Variants in KIAA1217 observed in about 807,000 individuals in gnomAD.
KIAA1217 encodes KIAA1217.
In KIAA1217, 88 loss-of-function variants were observed where a neutral mutation model predicts 163.9. The ratio of observed to expected loss-of-function variants is 0.54; its 90% CI spans 0.45 to 0.64. The LOEUF (loss-of-function observed/expected upper bound fraction) is 0.64, where lower values mean the gene tolerates loss of function less well. Among genes scored for constraint, KIAA1217 ranks in the 30% least tolerant of loss-of-function variants. The pLI is 0.00. For missense variants in KIAA1217, 2,372 were observed against 2,475.0 expected (o/e 0.96, Z 0.88); for synonymous variants, 903 against 923.1 (o/e 0.98, Z 0.39).
intron 1 of KIAA1217, among the ~76,000 whole-genome samples, chr10:23,715,264 A>G (rs771856547): frequency 1.3e-5 from 2 of 152,174 alleles, no homozygotes; most frequent in Non-Finnish European, 2.9e-5. Flanking sequence ...TGTTATTTGC[A>G]TGATTACCTT....
rs996732061 is a variant in KIAA1217 at position 23,989,877 on chromosome 10, C to T, written c.-320-17348C>T. Among the ~76,000 whole-genome samples, 16 of 152,186 alleles carry T rather than the reference C, an allele frequency of 1.1e-4. No individual in the cohort carries two copies. The South Asian group carries it at 1.4e-3, about 14-fold the overall frequency. Reference sequence around the variant, plus strand: ...CACTAGTGACTGCACATTGCTTCATCTTTTTGAGCCTCTTTTCTAGTCAGA... The same window carrying T: ...CACTAGTGACTGCACATTGCTTCATTTTTTTGAGCCTCTTTTCTAGTCAGA... On this transcript the variant is annotated intron_variant, in intron 1 of 18. Coordinates refer to the KIAA1217 transcript ENST00000376462.
intron 2 of KIAA1217, among the ~76,000 whole-genome samples, chr10:24,111,710 G>T (rs767712586): frequency 6.6e-6 from 1 of 152,124 alleles, no homozygotes; most frequent in Non-Finnish European, 1.5e-5. Flanking sequence ...TCAGAGGGGT[G>T]TATTTTTGCA....
intron 1 of KIAA1217, among the ~76,000 whole-genome samples, chr10:23,921,171 T>C (rs1454772926): frequency 2.6e-5 from 4 of 152,362 alleles, no homozygotes; most frequent in Admixed American, 2.0e-4. Context: ...ACTCTCTTTA[T>C]ATAGAACCAT....
At chr10:24,409,013 G>A (rs1425920261) in intron 3 of KIAA1217, among the ~76,000 whole-genome samples, 1 of 152,176 alleles carries the variant, frequency 6.6e-6, no homozygotes, top group African/African-American at 2.4e-5. Context: ...CAATAAATAT[G>A]TGTTGCATTA....
At chr10:24,051,869 A>G (rs548693389) in intron 2 of KIAA1217, among the ~76,000 whole-genome samples, 2 of 152,068 alleles carry the variant, frequency 1.3e-5, no homozygotes, top group East Asian at 3.9e-4. Context: ...TTTCAAATGC[A>G]TACTTTGCAA....
chr10:23,860,028 A>G (rs957827223), intron 1 of KIAA1217, among the ~76,000 whole-genome samples: 2 of 145,258 alleles, frequency 1.4e-5, no homozygotes, highest in African/African-American at 5.7e-5. Flanking sequence ...TCACTTGTCT[A>G]TGTATAGGAG....
intron 2 of KIAA1217, among the ~76,000 whole-genome samples, chr10:24,136,533 T>G (rs890618533): frequency 1.3e-5 from 2 of 151,802 alleles, no homozygotes; most frequent in South Asian, 2.1e-4. Context: ...GAGAGAGAGA[T>G]ACACCGGAAC....
intron 1 of KIAA1217, among the ~76,000 whole-genome samples, chr10:23,987,958 GC>G (rs1166436961): frequency 6.6e-6 from 1 of 152,174 alleles, no homozygotes; most frequent in African/African-American, 2.4e-5. Flanking sequence ...ACCAAGGAGA[GC>G]TTTTGTTTAT....
intron 2 of KIAA1217, among the ~76,000 whole-genome samples, chr10:24,026,742 ATTTTTT>A: frequency 1.4e-5 from 1 of 70,094 alleles, no homozygotes; most frequent in African/African-American, 5.9e-5. Context: ...TATTTCATTG[ATTTTTT>A]TTTTTTTTTT....
intron 6 of KIAA1217, among the ~76,000 whole-genome samples, chr10:24,486,698 T>C (rs1243445072): frequency 6.6e-6 from 1 of 152,144 alleles, no homozygotes; most frequent in African/African-American, 2.4e-5. Context: ...CTCACTTCCT[T>C]AAGGTCTTTA....
rs1835966090 is a variant in KIAA1217, at chr10:23,695,466, G to A, written c.-321+232G>A. On this transcript the variant is annotated intron_variant, in intron 1 of 18. Coordinates refer to the KIAA1217 transcript ENST00000376462. This position sits in a 1 kb window ranked among gnomAD's most constrained non-coding sequence, Gnocchi z 4.9. ...AAAGGAGAAGACCCCCAACTGGGAG[G>A]AGGGACTGGAGAGGAACCGGACCCC... 6.6e-6 allele frequency among the ~76,000 whole-genome samples: 1 copy of A among 152,196 alleles called. No individual in the cohort carries two copies. Among genetic ancestry groups the A allele is most frequent in the South Asian group, 2.1e-4 (1 of 4,832 alleles).
At chr10:23,897,946 T>C (rs1841777435) in intron 1 of KIAA1217, among the ~76,000 whole-genome samples, 1 of 152,032 alleles carries the variant, frequency 6.6e-6, no homozygotes. Context: ...TTAAAAACGC[T>C]CTCTCCTGAA....
chr10:24,303,448 G>C (rs1255606000), intron 2 of KIAA1217, among the ~76,000 whole-genome samples: 2 of 152,218 alleles, frequency 1.3e-5, no homozygotes, highest in Non-Finnish European at 2.9e-5. Context: ...GACTAGGGTG[G>C]TGGCCATGAG....
At chr10:23,742,608 A>G (rs1192491500) in intron 1 of KIAA1217, among the ~76,000 whole-genome samples, 1 of 152,164 alleles carries the variant, frequency 6.6e-6, no homozygotes, top group Non-Finnish European at 1.5e-5. Flanking sequence ...CTTTTAAAGC[A>G]GTCACATCCT....
At chr10:24,535,141 CT>C (rs2073814013) in intron 16 of KIAA1217, among the ~76,000 whole-genome samples, 1 of 152,174 alleles carries the variant, frequency 6.6e-6, no homozygotes, top group South Asian at 2.1e-4. Flanking sequence ...AACACAGGCT[CT>C]GAAATCGAGG....
chr10:24,274,102 A>C (rs951507803), intron 2 of KIAA1217, among the ~76,000 whole-genome samples: 2 of 152,246 alleles, frequency 1.3e-5, no homozygotes, highest in Non-Finnish European at 2.9e-5. Flanking sequence ...GACTAATAGC[A>C]TACATGTATA....
At chr10:23,991,619 C>G (rs1281162981) in intron 1 of KIAA1217, among the ~76,000 whole-genome samples, 2 of 152,066 alleles carry the variant, frequency 1.3e-5, no homozygotes, top group Non-Finnish European at 2.9e-5. Flanking sequence ...GTTCAGATAT[C>G]TACATAGATT....
intron 1 of KIAA1217, among the ~76,000 whole-genome samples, chr10:23,956,394 T>C (rs982347387): frequency 3.3e-5 from 5 of 152,068 alleles, no homozygotes; most frequent in Admixed American, 1.3e-4. Flanking sequence ...TATAGGAACA[T>C]TAGAGTAGTT....
intron 1 of KIAA1217, among the ~76,000 whole-genome samples, chr10:23,862,863 C>T (rs1840019777): frequency 6.6e-6 from 1 of 152,062 alleles, no homozygotes; most frequent in South Asian, 2.1e-4. Context: ...CTTGATGCTA[C>T]ATTCCTTGAA....
Sources: gnomAD v4.1 joint callset for allele counts (sites outside exome capture counted in the v4.1 genomes callset) on GRCh38, gnomAD v4.1.1 for gene constraint, Gnocchi (gnomAD v3.1) non-coding constraint, MANE v1.5 for transcripts, NCBI Gene and HGNC (gene_info 2026-07-23, HGNC 2026-07-21) for gene names.